Variants in KY observed in about 807,000 individuals in gnomAD.
KY encodes kyphoscoliosis peptidase.
Under a neutral mutation model 76.1 loss-of-function variants are expected in KY, and 43 were observed. That is an observed-to-expected ratio of 0.57 (90% CI 0.44 to 0.73). The LOEUF (loss-of-function observed/expected upper bound fraction) is 0.73, where lower values mean the gene tolerates loss of function less well. KY is among the 30% of genes least tolerant of loss of function. The pLI is 0.00. For missense variants in KY, 722 were observed against 828.9 expected, an observed-to-expected ratio of 0.87 and a Z score of 1.58; for synonymous variants, 277 against 326.2, an observed-to-expected ratio of 0.85 and a Z score of 1.63.
intron 8 of KY, among the ~76,000 whole-genome samples, chr3:134,611,588 C>G (rs1960463014): frequency 6.6e-6 from 1 of 152,266 alleles, no homozygotes; most frequent in African/African-American, 2.4e-5. Flanking sequence ...AATAGATACA[C>G]AACCTGTGAA....
At chr3:134,622,077 A>C (rs751068793) in intron 6 of KY, among the ~76,000 whole-genome samples, 3 of 152,238 alleles carry the variant, frequency 2.0e-5, no homozygotes, top group Non-Finnish European at 4.4e-5. Flanking sequence ...TGTTGGCAAG[A>C]ATATGGAGGA....
At position 134,603,765 on chromosome 3, in the gene KY, C is replaced by T. The variant is rs1959072726; in HGVS notation, c.1800G>A (p.Lys600=). 6.2e-7 allele frequency: 1 copy of T among 1,612,268 alleles called. No individual in the cohort carries two copies. ...PANRNVPFKL[K]LHGIAKVLVK... is the part of the protein sequence containing the mutation. The stretch of plus-strand genomic sequence containing the variant: ...CCAGGACTTTGGCAATACCATGCAG[C>T]TTCAATTTGAATGGGACATTCCGGT... The change falls in exon 11 of 11, where the codon AAG becomes AAA. Residue 600 remains lysine (K), a synonymous_variant. Coordinates refer to ENST00000423778, the MANE Select transcript of KY (RefSeq NM_178554.6).
intron 10 of KY, among the ~76,000 whole-genome samples, chr3:134,606,846 C>G (rs1191433960): frequency 6.6e-6 from 1 of 151,698 alleles, no homozygotes; most frequent in Non-Finnish European, 1.5e-5. Context: ...CCCTCCACGG[C>G]ACTCTCCTAG....
chr3:134,618,467 C>A (rs776797738), intron 8 of KY, among the ~76,000 whole-genome samples: 2 of 152,142 alleles, frequency 1.3e-5, no homozygotes, highest in African/African-American at 4.8e-5. Context: ...TGACTGTTTT[C>A]TGGAGGAACC....
In KY at chr3:134,619,545, T is replaced by C. The variant is rs966731720; in HGVS notation, c.593-280A>G. Among the ~76,000 whole-genome samples, 8 of 152,300 alleles carry C rather than the reference T, an allele frequency of 5.3e-5. No individual in the cohort carries two copies. The East Asian group carries it at 1.4e-3, about 26-fold the overall frequency. ...CCAGGACAGTGCAGAGGCATGGGGC[T>C]CTCTCTGCTAATCCCCACCACACAG... On this transcript the variant is annotated intron_variant, in intron 7 of 10. Transcript: ENST00000423778.
chr3:134,628,923 G>C (rs1238043595), intron 4 of KY, among the ~76,000 whole-genome samples: 1 of 152,180 alleles, frequency 6.6e-6, no homozygotes. Context: ...GACAGTTTTG[G>C]AGGACTTTGG....
At chr3:134,635,461 CAGTCCAGCCTGGACAACAG>C (rs1964816079) in intron 3 of KY, among the ~76,000 whole-genome samples, 1 of 135,098 alleles carries the variant, frequency 7.4e-6, no homozygotes, top group Non-Finnish European at 1.5e-5. Flanking sequence ...CGTGCCACTG[CAGTCCAGCCTGGACAACAG>C]AGCGAGACTC....
chr3:134,624,812 T>G (rs1963207464), intron 6 of KY, among the ~76,000 whole-genome samples: 1 of 151,742 alleles, frequency 6.6e-6, no homozygotes, highest in East Asian at 1.9e-4. Context: ...CAGGGTGTGT[T>G]GTATGGGGTG....
At chr3:134,645,639 C>T (rs182128349) in intron 2 of KY, among the ~76,000 whole-genome samples, 1 of 152,206 alleles carries the variant, frequency 6.6e-6, no homozygotes, top group African/African-American at 2.4e-5. Context: ...TCGCTTTACA[C>T]ATGTTGATGG....
At chr3:134,623,461 A>G (rs1290758391) in intron 6 of KY, among the ~76,000 whole-genome samples, 2 of 152,054 alleles carry the variant, frequency 1.3e-5, no homozygotes, top group Non-Finnish European at 2.9e-5. Flanking sequence ...TTCTGCCTTT[A>G]CAGGGACTTC....
chr3:134,622,275 C>T (rs527785228), intron 6 of KY, among the ~76,000 whole-genome samples: 1 of 152,286 alleles, frequency 6.6e-6, no homozygotes, highest in Non-Finnish European at 1.5e-5. Context: ...ATGTTCATTG[C>T]AGCACTATCC....
intron 10 of KY, among the ~76,000 whole-genome samples, chr3:134,605,801 C>T (rs570113561): frequency 6.6e-6 from 1 of 152,284 alleles, no homozygotes; most frequent in Non-Finnish European, 1.5e-5. Context: ...CTGCTGGCCT[C>T]CACGCCTTCC....
chr3:134,650,847 G>C lies in KY; in HGVS notation c.114C>G (p.Ser38Arg). ...GTLSDQQANP[S>R]SLLQRGGGFQ... ...TACCTCCTCCGCGCTGCAGCAGCGA[G>C]CTCGGGTTCGCCTGCTGGTCTGAGA... Residue 38 changes from serine (S) to arginine (R), a missense_variant, in exon 1 of 11, where the codon AGC becomes AGG. Transcript: ENST00000423778. The C allele has an allele frequency of 6.2e-7, 1 of 1,606,682 alleles. No homozygotes were observed. Among genetic ancestry groups the C allele is most frequent in the Non-Finnish European group, 8.5e-7 (1 of 1,176,008 alleles).
intron 3 of KY, among the ~76,000 whole-genome samples, chr3:134,642,588 A>G (rs1390255374): frequency 6.6e-6 from 1 of 152,080 alleles, no homozygotes; most frequent in Non-Finnish European, 1.5e-5. Context: ...CCTGTCCCCA[A>G]AAAGTGAGGA....
At chr3:134,638,378 C>A (rs527366365) in intron 3 of KY, among the ~76,000 whole-genome samples, 84 of 152,236 alleles carry the variant, frequency 5.5e-4, no homozygotes, top group Non-Finnish European at 1.0e-3. Flanking sequence ...AGATCTAAAC[C>A]CTAAGTACAG....
At chr3:134,619,777 T>C (rs1255766412) in intron 7 of KY, among the ~76,000 whole-genome samples, 1 of 152,180 alleles carries the variant, frequency 6.6e-6, no homozygotes, top group East Asian at 1.9e-4. Context: ...TCTGTAGCTA[T>C]TGAGGACCCA....
At position 134,610,490 on chromosome 3, in the gene KY, T is replaced by C. The variant is rs551250941; in HGVS notation, c.711-107A>G. The C allele has an allele frequency of 2.0e-4, 183 of 933,508 alleles. No homozygotes were observed. The African/African-American group carries it at 2.9e-3, about 15-fold the overall frequency. 57.8% of individuals were successfully genotyped at this position (933,508 alleles called of 1,614,324 possible). ...ATGTTTGCTGCCCATCAGTCCTCCC[T>C]GTCTATCCTTTTCCTTGCTTCTTGT... On this transcript the variant is annotated intron_variant, in intron 8 of 10. Coordinates refer to ENST00000423778, the MANE Select transcript of KY (RefSeq NM_178554.6).
intron 9 of KY, 124 bp from the exon 10 acceptor site, chr3:134,608,963 T>A: frequency 1.8e-6 from 2 of 1,122,044 alleles, no homozygotes; most frequent in Non-Finnish European, 2.5e-6. Context: ...GACCCTAACA[T>A]GGGCACTGGA....
intron 3 of KY, among the ~76,000 whole-genome samples, chr3:134,642,585 C>G (rs1025363309): frequency 6.6e-6 from 1 of 152,174 alleles, no homozygotes; most frequent in East Asian, 1.9e-4. Context: ...GAGCCTGTCC[C>G]CAAAAAGTGA....
Sources: allele counts gnomAD v4.1 joint callset (sites outside exome capture counted in the v4.1 genomes callset), GRCh38; gene constraint gnomAD v4.1.1; transcripts MANE v1.5; gene names NCBI Gene and HGNC (gene_info 2026-07-23, HGNC 2026-07-21).